DLGAP1: variants seen among roughly 807,000 people sequenced by gnomAD.
The protein encoded by DLGAP1 is disks large-associated protein 1.
DLGAP1 carries 11 observed loss-of-function variants against 90.8 expected under a neutral mutation model. That is an observed-to-expected ratio of 0.12 (90% CI 0.08 to 0.20). The LOEUF is 0.20. DLGAP1 is among the 10% of genes least tolerant of loss of function. The pLI is 1.00. For synonymous variants in DLGAP1, 558 were observed against 540.7 expected (o/e 1.03, Z -0.44); for missense variants, 1,050 against 1,333.8 (o/e 0.79, Z 3.31).
At chr18:3,577,649 G>A (rs1224179141) in intron 8 of DLGAP1, among the ~76,000 whole-genome samples, 2 of 152,178 alleles carry the variant, frequency 1.3e-5, no homozygotes, top group Non-Finnish European at 2.9e-5. Context: ...GGAGGATATT[G>A]TTCTCTGCCT....
intron 5 of DLGAP1, among the ~76,000 whole-genome samples, chr18:3,793,569 T>TA (rs564087526): frequency 4.7e-4 from 72 of 152,256 alleles, no homozygotes; most frequent in Non-Finnish European, 8.2e-4. Context: ...CCAAGGCTGT[T>TA]AGAGTCCCAT....
chr18:3,866,461 C>T (rs2070389960), intron 4 of DLGAP1, among the ~76,000 whole-genome samples: 1 of 152,070 alleles, frequency 6.6e-6, no homozygotes, highest in Admixed American at 6.6e-5. Flanking sequence ...ATAGACAGCC[C>T]AGGTACAGGG....
chr18:4,031,916 A>G (rs8090293), intron 2 of DLGAP1, among the ~76,000 whole-genome samples: 74,069 of 152,000 alleles, frequency 0.49, 18,082 homozygotes, highest in Admixed American at 0.51. Context: ...ATGAAACCAC[A>G]TGTGGTGGCT....
chr18:3,610,768 G>A (rs908131440), intron 7 of DLGAP1, among the ~76,000 whole-genome samples: 3 of 152,124 alleles, frequency 2.0e-5, no homozygotes, highest in African/African-American at 7.2e-5. Flanking sequence ...GAACCCCGGA[G>A]ATGGAGGCTG....
intron 9 of DLGAP1, among the ~76,000 whole-genome samples, chr18:3,553,638 G>A (rs9946722): frequency 0.12 from 18,637 of 152,002 alleles, 1,989 homozygotes; most frequent in African/African-American, 0.29. Flanking sequence ...GGTTCAAGCA[G>A]TTCTCCTGCC....
chr18:3,608,945 C>T (rs1265113043), intron 7 of DLGAP1, among the ~76,000 whole-genome samples: 1 of 152,230 alleles, frequency 6.6e-6, no homozygotes, highest in Non-Finnish European at 1.5e-5. Flanking sequence ...CAATGATCCT[C>T]CTGCCTCAGC....
Position 3,660,286 on chromosome 18 carries a change from G to A in DLGAP1, c.1591+68849C>T, listed in dbSNP as rs1227947512. Among the ~76,000 whole-genome samples the A allele has an allele frequency of 6.6e-6, 1 of 152,210 alleles. No individual in the cohort carries two copies. The highest frequency in any genetic ancestry group is 1.5e-5 in the Non-Finnish European group (1 of 68,040). On this transcript the variant is annotated intron_variant, in intron 7 of 12. Coordinates refer to ENST00000315677, the MANE Select transcript of DLGAP1 (RefSeq NM_004746.4). This position sits in a 1 kb window ranked among gnomAD's most constrained non-coding sequence, Gnocchi z 4.2. ...AGACTCCCAAGTAGCAGGGACTACA[G>A]GTACCTGTCACCACAACTGGCTTTC...
chr18:3,778,270 G>A (rs1423088832), intron 5 of DLGAP1, among the ~76,000 whole-genome samples: 2 of 152,022 alleles, frequency 1.3e-5, no homozygotes, highest in African/African-American at 2.4e-5. Context: ...GTGAAACACC[G>A]TTTCTACTAA....
chr18:4,394,898 G>A (rs2082408855), intron 1 of DLGAP1, among the ~76,000 whole-genome samples: 1 of 152,186 alleles, frequency 6.6e-6, no homozygotes, highest in African/African-American at 2.4e-5. Context: ...GTGAACATGA[G>A]ACAGCTCAGG....
chr18:4,298,022 C>T (rs376902904), intron 1 of DLGAP1, among the ~76,000 whole-genome samples: 3 of 152,040 alleles, frequency 2.0e-5, no homozygotes, highest in South Asian at 2.1e-4. Context: ...GTCTCTGCCC[C>T]GGACTCTGGT....
At chr18:3,600,686 A>G (rs2056844707) in intron 7 of DLGAP1, among the ~76,000 whole-genome samples, 1 of 84,932 alleles carries the variant, frequency 1.2e-5, no homozygotes, top group African/African-American at 5.1e-5. Context: ...ATATCTATAG[A>G]GATCTATATA....
intron 5 of DLGAP1, among the ~76,000 whole-genome samples, chr18:3,806,283 T>C (rs1487225491): frequency 6.6e-6 from 1 of 152,232 alleles, no homozygotes; most frequent in South Asian, 2.1e-4. Flanking sequence ...ATGCAGATTT[T>C]TCTCATCAGA....
At chr18:3,506,303 C>A (rs998607422) in intron 11 of DLGAP1, among the ~76,000 whole-genome samples, 1 of 151,674 alleles carries the variant, frequency 6.6e-6, no homozygotes, top group African/African-American at 2.4e-5. Context: ...CACCTGAGGT[C>A]AGGAGTCCGA....
intron 7 of DLGAP1, among the ~76,000 whole-genome samples, chr18:3,709,560 A>T (rs1326224309): frequency 6.6e-6 from 1 of 152,198 alleles, no homozygotes; most frequent in Non-Finnish European, 1.5e-5. Flanking sequence ...AGGCTTTTCA[A>T]CATTTTTTCA....
At chr18:4,351,741 A>C (rs1486818647) in intron 1 of DLGAP1, among the ~76,000 whole-genome samples, 1 of 152,188 alleles carries the variant, frequency 6.6e-6, no homozygotes, top group African/African-American at 2.4e-5. Context: ...TTGTTGTACA[A>C]ATGTGGTGCT....
rs182638069 is a variant in DLGAP1, at chr18:4,112,110, T to C, written c.-159+39070A>G. ...TGATCACTGCTTTAGCTACAATCCA[T>C]ACATTTTGGTACGTTGTACTTTAAT... On this transcript the variant is annotated intron_variant, in intron 2 of 12. Coordinates refer to ENST00000315677, the MANE Select transcript of DLGAP1 (RefSeq NM_004746.4). 2.6e-3 allele frequency among the ~76,000 whole-genome samples: 399 copies of C among 152,096 alleles called. 3 individuals carry two copies. The highest frequency in any genetic ancestry group is 0.015 in the South Asian group (72 of 4,824).
intron 7 of DLGAP1, among the ~76,000 whole-genome samples, chr18:3,669,755 C>T (rs2060019196): frequency 6.6e-6 from 1 of 152,194 alleles, no homozygotes; most frequent in African/African-American, 2.4e-5. Flanking sequence ...ATCCAAGCCC[C>T]CATGTGATCC....
At chr18:4,072,174 C>G (rs1334675069) in intron 2 of DLGAP1, among the ~76,000 whole-genome samples, 1 of 151,980 alleles carries the variant, frequency 6.6e-6, no homozygotes, top group Non-Finnish European at 1.5e-5. Context: ...AACTTGGAGT[C>G]TATGTTTTTC....
rs544079110 is a variant in DLGAP1, at chr18:3,911,718, G to A, written c.-72-31578C>T. On this transcript the variant is annotated intron_variant, in intron 3 of 12. Transcript: ENST00000315677. ...GGCTCTTTTGTGAACTATTTAGCAG[G>A]AACTGAAATGAACAAGACTTGATTC... 2.8e-4 allele frequency among the ~76,000 whole-genome samples: 43 copies of A among 152,292 alleles called. 1 individual carries two copies. Among genetic ancestry groups the A allele is most frequent in the South Asian group, 4.1e-4 (2 of 4,822 alleles).
Sources: gnomAD v4.1 joint callset for allele counts (sites outside exome capture counted in the v4.1 genomes callset) on GRCh38, gnomAD v4.1.1 for gene constraint, Gnocchi (gnomAD v3.1) non-coding constraint, MANE v1.5 for transcripts, NCBI Gene and HGNC (gene_info 2026-07-23, HGNC 2026-07-21) for gene names.